The following PIR variants were observed in gnomAD, a reference collection of about 807,000 sequenced individuals.
PIR encodes the protein pirin, also known as pirin (iron-binding nuclear protein).
Under a neutral mutation model 24.2 loss-of-function variants are expected in PIR, and 22 were observed. That is an observed-to-expected ratio of 0.91 (90% CI 0.65 to 1.30). The LOEUF (loss-of-function observed/expected upper bound fraction) is 1.30. Ranked by LOEUF, PIR falls within the 50% of genes most tolerant of loss-of-function variation. The pLI, the probability that PIR is intolerant of heterozygous loss-of-function variation, is 0.00. For missense variants in PIR, 220 were observed against 220.3 expected, an observed-to-expected ratio of 1.00 and a Z score of 0.01; for synonymous variants, 80 against 79.6, an observed-to-expected ratio of 1.00 and a Z score of -0.03.
chrX:15,452,689 T>C (rs1421122821), intron 5 of PIR, among the ~76,000 whole-genome samples: 1 of 112,031 alleles, frequency 8.9e-6, no homozygotes, highest in African/African-American at 3.2e-5. Context: ...TTGGATCCCA[T>C]ACCCATTATG....
rs772251328 is a variant in PIR, at chrX:15,425,989, G to T, written c.482C>A (p.Ser161Tyr). Reference protein sequence around the residue: ...VISGEALGIKSKVYTRTPTLY... With the variant: ...VISGEALGIKYKVYTRTPTLY... ...GGTTGGTGTGCGAGTGTAAACCTTGGACTGAAAAGGAAAAGGAAACCATCA... is the reference window on the plus strand; with the variant it reads ...GGTTGGTGTGCGAGTGTAAACCTTGTACTGAAAAGGAAAAGGAAACCATCA... The change falls in exon 6 of 10, where the codon TCC becomes TAC. Residue 161 changes from serine to tyrosine, a missense_variant and splice_region_variant. Coordinates refer to ENST00000380420, the MANE Select transcript of PIR (RefSeq NM_001018109.3). 8.7e-7 allele frequency: 1 copy of T among 1,144,910 alleles called. No individual in the cohort carries two copies. Among genetic ancestry groups the T allele is most frequent in the Non-Finnish European group, 1.2e-6 (1 of 836,440 alleles). 94.4% of individuals were successfully genotyped at this position (1,144,910 alleles called of 1,213,427 possible).
intron 6 of PIR, among the ~76,000 whole-genome samples, chrX:15,408,547 T>C (rs1924622859): frequency 9.0e-6 from 1 of 111,603 alleles, no homozygotes; most frequent in Non-Finnish European, 1.9e-5. Flanking sequence ...AATAGGCTAT[T>C]TGCACTCTCA....
chrX:15,418,711 G>C (rs185581386), intron 6 of PIR, among the ~76,000 whole-genome samples: 8 of 112,045 alleles, frequency 7.1e-5, no homozygotes, highest in East Asian at 2.8e-4. Context: ...GATTCAAATA[G>C]TATTCATGGG....
chrX:15,470,563 C>T (rs2147071601), intron 3 of PIR, among the ~76,000 whole-genome samples: 1 of 107,145 alleles, frequency 9.3e-6, no homozygotes, highest in African/African-American at 3.4e-5. Context: ...TATTACATTT[C>T]CCCCCACTCA....
chrX:15,423,160 A>T (rs1215121103), intron 6 of PIR, among the ~76,000 whole-genome samples: 1 of 112,348 alleles, frequency 8.9e-6, no homozygotes, highest in African/African-American at 3.2e-5. Context: ...TTAAGACCTC[A>T]AAATATGAAA....
chrX:15,385,115 A>G lies in PIR; in HGVS notation c.762T>C (p.Gly254=). ...CTTCATTGGTGTTCATCACAAATGG[A>G]CCTAGGGCAGAAAGAGACATTCAGA... ...EPLREPVIQH[G]PFVMNTNEEI... The change falls in exon 10 of 10, where the codon GGT becomes GGC. Residue 254 remains glycine (G), a splice_region_variant and synonymous_variant. Transcript: ENST00000380420. 9.4e-7 allele frequency: 1 copy of G among 1,068,564 alleles called. No homozygotes were observed. Among genetic ancestry groups the G allele is most frequent in the East Asian group, 3.1e-5 (1 of 32,772 alleles). The allele number at this position is 1,068,564 out of a possible 1,213,427, so 88.1% of individuals were successfully genotyped here. A position where few individuals can be genotyped will look rare whatever the true frequency, so the allele number is the denominator to read the frequency against.
chrX:15,388,083 T>C (rs1050123754), intron 9 of PIR, among the ~76,000 whole-genome samples: 2 of 112,099 alleles, frequency 1.8e-5, no homozygotes, highest in Non-Finnish European at 3.8e-5. Context: ...AGAAAGCATG[T>C]TTTTAAATTG....
chrX:15,415,613 AAG>A lies in PIR; in HGVS notation c.566-8065_566-8064del, dbSNP rs1336940912. On this transcript the variant is annotated intron_variant, in intron 6 of 9. Transcript: ENST00000380420. ...ATGTATTGTATTCTTGAAAAATGCT[AAG>A]AGAGGGAATATAAAGTGTTCTTATC... is the stretch of plus-strand genomic sequence containing the variant. 6.2e-5 allele frequency among the ~76,000 whole-genome samples: 7 copies of A among 112,058 alleles called. No individual in the cohort carries two copies. The East Asian group carries it at 1.9e-3, about 31-fold the overall frequency.
intron 3 of PIR, among the ~76,000 whole-genome samples, chrX:15,460,943 G>A (rs1387810526): frequency 9.0e-6 from 1 of 111,692 alleles, no homozygotes; most frequent in Admixed American, 9.5e-5. Flanking sequence ...AAAGTGTCAG[G>A]AGCAACTAAG....
rs371174904 is a variant in PIR at position 15,473,261 on chromosome X, A to G, written c.189+6468T>C. Among the ~76,000 whole-genome samples, 4 of 111,836 alleles carry G rather than the reference A, an allele frequency of 3.6e-5. No homozygotes were observed. The South Asian group carries it at 1.1e-3, about 31-fold the overall frequency. ...TATTGTCACAACTGGGTGTAGGCAG[A>G]TGCAATTGGCACCGAGTGGGTAGAG... On this transcript the variant is annotated intron_variant, in intron 3 of 9. Coordinates refer to ENST00000380420, the MANE Select transcript of PIR (RefSeq NM_001018109.3).
At chrX:15,471,258 C>T (rs2147072800) in intron 3 of PIR, among the ~76,000 whole-genome samples, 1 of 110,837 alleles carries the variant, frequency 9.0e-6, no homozygotes, top group East Asian at 2.9e-4. Context: ...GCAAATGAGT[C>T]ACTTCTTGGG....
At chrX:15,407,364 T>C in intron 7 of PIR, 142 bp downstream of exon 7, 1 of 511,059 alleles carries the variant, frequency 2.0e-6, no homozygotes. Flanking sequence ...GGCATACCTG[T>C]GCTGGGATAT....
In PIR at chrX:15,466,591, C is replaced by T. The variant is rs149980866; in HGVS notation, c.190-6851G>A. 5.5e-3 allele frequency among the ~76,000 whole-genome samples: 616 copies of T among 112,063 alleles called. 6 individuals carry two copies. The highest frequency in any genetic ancestry group is 0.019 in the African/African-American group (594 of 30,853). ...CTTGGAGGCTCAGTCTCCTCATGTA[C>T]AGCATAGACCTGGGAGGTGAGCTCT... is the stretch of plus-strand genomic sequence containing the variant. On this transcript the variant is annotated intron_variant, in intron 3 of 9. Transcript: ENST00000380420.
At chrX:15,460,166 AT>A (rs1319073706) in intron 3 of PIR, among the ~76,000 whole-genome samples, 1 of 111,754 alleles carries the variant, frequency 8.9e-6, no homozygotes. Flanking sequence ...TAGTATAGGC[AT>A]TATGGAAAAG....
intron 6 of PIR, among the ~76,000 whole-genome samples, chrX:15,423,829 C>T (rs938822811): frequency 2.7e-5 from 3 of 112,134 alleles, no homozygotes; most frequent in African/African-American, 9.7e-5. Flanking sequence ...AAATGCTCAA[C>T]ATTACTAATC....
In PIR at chrX:15,442,014, C is replaced by T. The variant is rs770209511; in HGVS notation, c.480+13834G>A. Among the ~76,000 whole-genome samples, 10 of 110,824 alleles carry T rather than the reference C, an allele frequency of 9.0e-5. No individual in the cohort carries two copies. In the East Asian group the frequency reaches 2.5e-3, roughly 28 times the overall value. On this transcript the variant is annotated intron_variant, in intron 5 of 9. Coordinates refer to ENST00000380420, the MANE Select transcript of PIR (RefSeq NM_001018109.3). Reference sequence around the variant, plus strand: ...TCGGAACTTGGGAAGGAAAGAAAGACGTACAGGCATACCTTGTTTTATCAC... The same window carrying T: ...TCGGAACTTGGGAAGGAAAGAAAGATGTACAGGCATACCTTGTTTTATCAC...
intron 9 of PIR, among the ~76,000 whole-genome samples, chrX:15,386,612 G>T (rs1452351423): frequency 8.9e-6 from 1 of 111,947 alleles, no homozygotes. Flanking sequence ...AACACAGAAA[G>T]GGGGAGGAGG....
intron 3 of PIR, among the ~76,000 whole-genome samples, chrX:15,474,598 G>A (rs920403289): frequency 2.7e-5 from 3 of 111,757 alleles, no homozygotes; most frequent in African/African-American, 9.8e-5. Flanking sequence ...CTTGAGAGTA[G>A]AGGTGGCTTT....
intron 3 of PIR, among the ~76,000 whole-genome samples, chrX:15,462,341 T>C (rs1360724544): frequency 1.8e-5 from 2 of 112,398 alleles, no homozygotes; most frequent in Non-Finnish European, 3.8e-5. Flanking sequence ...TCTTTTTGTG[T>C]AATCTATTTG....
Sources: allele counts gnomAD v4.1 joint callset (sites outside exome capture counted in the v4.1 genomes callset), GRCh38; gene constraint gnomAD v4.1.1; transcripts MANE v1.5; gene names NCBI Gene and HGNC (gene_info 2026-07-23, HGNC 2026-07-21).